The following RAD51C variants were observed in gnomAD, a reference collection of about 807,000 sequenced individuals.
RAD51C encodes the protein DNA repair protein RAD51 homolog 3.
Under a neutral mutation model 45.0 loss-of-function variants are expected in RAD51C, and 42 were observed. That is an observed-to-expected ratio of 0.93 (90% CI 0.73 to 1.21). RAD51C has a LOEUF of 1.21. Among genes scored for constraint, RAD51C ranks in the 50% most tolerant of loss-of-function variants. RAD51C has a pLI of 0.00. For missense variants in RAD51C, 474 were observed against 452.2 expected (o/e 1.05, Z -0.44); for synonymous variants, 172 against 159.8 (o/e 1.08, Z -0.58).
chr17:58,696,098 T>C (rs925618111), intron 2 of RAD51C, among the ~76,000 whole-genome samples: 2 of 149,946 alleles, frequency 1.3e-5, no homozygotes, highest in Non-Finnish European at 3.0e-5. Flanking sequence ...GATTTATGTA[T>C]AATAAGGGGC....
intron 5 of RAD51C, 82 bp downstream of exon 5, chr17:58,710,072 G>A (rs542414459): frequency 4.8e-5 from 71 of 1,466,618 alleles, no homozygotes; most frequent in African/African-American, 3.3e-4. Flanking sequence ...TCAAAATAGC[G>A]TTTGCCTGAC....
Position 58,692,669 on chromosome 17 carries a change from A to C in RAD51C, c.26A>C (p.Glu9Ala). 1 of 1,614,204 alleles carries C rather than the reference A, an allele frequency of 6.2e-7. No homozygotes were observed. The highest frequency in any genetic ancestry group is 1.7e-4 in the Middle Eastern group (1 of 6,060). MRGKTFRFEMQRDLVSFPL... is the reference protein window; with the variant it reads MRGKTFRFAMQRDLVSFPL... Reference sequence around the variant, plus strand: ...ATGCGCGGGAAGACGTTCCGCTTTGAAATGCAGCGGGATTTGGTGAGTTTC... The same window carrying C: ...ATGCGCGGGAAGACGTTCCGCTTTGCAATGCAGCGGGATTTGGTGAGTTTC... The change falls in exon 1 of 9, where the codon GAA (glutamate) becomes GCA (alanine). Residue 9 changes from glutamate (E) to alanine (A), a missense_variant. Coordinates refer to ENST00000337432, the MANE Select transcript of RAD51C (RefSeq NM_058216.3).
intron 2 of RAD51C, 95 bp downstream of exon 2, chr17:58,695,284 A>G (rs2047965372): frequency 8.8e-6 from 13 of 1,476,504 alleles, no homozygotes; most frequent in Non-Finnish European, 1.2e-5. Flanking sequence ...TAAGATATAT[A>G]TGTGCTCTTA....
chr17:58,716,811 C>G (rs1215582798), intron 5 of RAD51C, among the ~76,000 whole-genome samples: 2 of 149,436 alleles, frequency 1.3e-5, no homozygotes, highest in African/African-American at 4.9e-5. Context: ...CGCTCTGTCA[C>G]CCAGGCTGGA....
chr17:58,709,785 G>GGA, intron 4 of RAD51C, 74 bp from the exon 5 acceptor site: 2 of 1,384,000 alleles, frequency 1.4e-6, no homozygotes, highest in South Asian at 1.2e-5. Context: ...CTGCTCTCTT[G>GGA]GAGAGAGAGA....
At chr17:58,695,936 T>C (rs1399494424) in intron 2 of RAD51C, among the ~76,000 whole-genome samples, 1 of 150,814 alleles carries the variant, frequency 6.6e-6, no homozygotes, top group Non-Finnish European at 1.5e-5. Context: ...GCATGGTGGT[T>C]CACGCCTATA....
chr17:58,704,682 C>T (rs1055355504), intron 4 of RAD51C, among the ~76,000 whole-genome samples: 1 of 152,056 alleles, frequency 6.6e-6, no homozygotes, highest in Non-Finnish European at 1.5e-5. Context: ...TATTGTGATA[C>T]CCCTATTAGA....
intron 6 of RAD51C, among the ~76,000 whole-genome samples, chr17:58,722,602 A>G (rs536619101): frequency 6.6e-6 from 1 of 152,282 alleles, no homozygotes; most frequent in African/African-American, 2.4e-5. Flanking sequence ...TGCTAGTATG[A>G]TAGGTCACTG....
intron 5 of RAD51C, among the ~76,000 whole-genome samples, chr17:58,715,442 GAAACT>G (rs1598494021): frequency 8.7e-6 from 1 of 114,922 alleles, no homozygotes; most frequent in East Asian, 2.7e-4. Flanking sequence ...CAACAAGAGC[GAAACT>G]CTGTCTCAAA....
In RAD51C at chr17:58,735,243, T is replaced by C. The variant is rs2049590382; in HGVS notation, c.*1021T>C. On this transcript the variant is annotated 3_prime_UTR_variant, in exon 9 of 9. Transcript: ENST00000337432. ...CAAGGTCTCACTCCGTCACCCAGGC[T>C]GGAGTGCAGTGGCATGATCATAGCT... 2 of 152,436 alleles carry C rather than the reference T, an allele frequency of 1.3e-5. No homozygotes were observed. The highest frequency in any genetic ancestry group is 4.1e-4 in the South Asian group (2 of 4,828). The allele number at this position is 152,436 out of a possible 1,614,324, so 9.4% of individuals were successfully genotyped here.
intron 1 of RAD51C, chr17:58,693,183 G>C (rs1045530885): frequency 4.0e-6 from 1 of 249,202 alleles, no homozygotes. Context: ...AATTTTTGCT[G>C]TTCCAAGATC....
chr17:58,705,068 T>A (rs987832265), intron 4 of RAD51C, among the ~76,000 whole-genome samples: 9 of 151,312 alleles, frequency 5.9e-5, no homozygotes, highest in African/African-American at 2.2e-4. Flanking sequence ...GAAGCAGAGG[T>A]TGCAGTGTGC....
chr17:58,696,846 A>G lies in RAD51C; in HGVS notation c.558A>G (p.Lys186=), dbSNP rs745824401. Residue 186 remains lysine (K), a synonymous_variant, in exon 3 of 9, where the codon AAA becomes AAG. Coordinates refer to ENST00000337432, the MANE Select transcript of RAD51C (RefSeq NM_058216.3). ...CIQHLQLIAE[K]HKGEEHRKAL... ...AGCACCTTCAGCTTATAGCAGAAAAACACAAGGGAGAGGGTAAGTTAGTAA... is the reference window on the plus strand; with the variant it reads ...AGCACCTTCAGCTTATAGCAGAAAAGCACAAGGGAGAGGGTAAGTTAGTAA... The G allele has an allele frequency of 6.2e-7, 1 of 1,614,138 alleles. No individual in the cohort carries two copies. The highest frequency in any genetic ancestry group is 8.5e-7 in the Non-Finnish European group (1 of 1,179,994).
chr17:58,729,467 G>A lies in RAD51C; in HGVS notation c.966-3017G>A, dbSNP rs532404585. Among the ~76,000 whole-genome samples the A allele has an allele frequency of 3.3e-5, 5 of 151,874 alleles. No individual in the cohort carries two copies. In the East Asian group the frequency reaches 5.8e-4, roughly 18 times the overall value. On this transcript the variant is annotated intron_variant, in intron 7 of 8. Coordinates refer to ENST00000337432, the MANE Select transcript of RAD51C (RefSeq NM_058216.3). ...TTCTCGACCTCAGGTGATCCACCTC[G>A]GCCTCCCAAAGGGCTGGGATTACAG... is the stretch of plus-strand genomic sequence containing the variant.
At chr17:58,719,972 C>T (rs2062426398) in intron 5 of RAD51C, among the ~76,000 whole-genome samples, 2 of 151,094 alleles carry the variant, frequency 1.3e-5, no homozygotes. Context: ...TCGTGATCCG[C>T]TCACCCTGTT....
At chr17:58,719,367 CATGCCCAGCTAATTTTTTAA>C (rs1255990644) in intron 5 of RAD51C, among the ~76,000 whole-genome samples, 49 of 151,906 alleles carry the variant, frequency 3.2e-4, no homozygotes, top group African/African-American at 1.1e-3. Context: ...TGTGCACCAC[CATGCCCAGCTAATTTTTTAA>C]AAAGTTTTTT....
Position 58,727,109 on chromosome 17 carries a change from C to T in RAD51C, c.965+3009C>T, listed in dbSNP as rs185510255. Reference sequence around the variant, plus strand: ...TGCTGGGATTACAGGCATGAGCCACCGCACCCGGCCTTATAAACTTTTTTT... The same window carrying T: ...TGCTGGGATTACAGGCATGAGCCACTGCACCCGGCCTTATAAACTTTTTTT... On this transcript the variant is annotated intron_variant, in intron 7 of 8. Coordinates refer to ENST00000337432, the MANE Select transcript of RAD51C (RefSeq NM_058216.3). Among the ~76,000 whole-genome samples the T allele has an allele frequency of 4.9e-3, 736 of 151,392 alleles. 4 individuals are homozygous for T. The highest frequency in any genetic ancestry group is 0.017 in the African/African-American group (704 of 41,250).
chr17:58,702,383 G>GAAAAATGTGA (rs1212944756), intron 3 of RAD51C, among the ~76,000 whole-genome samples: 1 of 152,026 alleles, frequency 6.6e-6, no homozygotes, highest in Non-Finnish European at 1.5e-5. Flanking sequence ...GGAAACAGTG[G>GAAAAATGTGA]AAAAATGTGA....
intron 2 of RAD51C, 113 bp downstream of exon 2, chr17:58,695,302 G>A (rs2047966020): frequency 6.9e-7 from 1 of 1,447,364 alleles, no homozygotes. Flanking sequence ...TTAATTTTAA[G>A]TGTGTATGTG....
Sources: allele counts gnomAD v4.1 joint callset (sites outside exome capture counted in the v4.1 genomes callset), GRCh38; gene constraint gnomAD v4.1.1; transcripts MANE v1.5; gene names NCBI Gene and HGNC (gene_info 2026-07-23, HGNC 2026-07-21).